Variants in STIM1 observed in about 807,000 individuals in gnomAD.
STIM1 encodes stromal interaction molecule 1.
A neutral mutation model predicts 74.7 loss-of-function variants in STIM1; 25 were observed. The observed-to-expected ratio is 0.33, with a 90% CI of 0.24 to 0.47. STIM1 has a LOEUF of 0.47. STIM1 is among the 20% of genes least tolerant of loss of function. The pLI is 1.00. For missense variants in STIM1, 728 were observed against 920.8 expected (o/e 0.79, Z 2.71); for synonymous variants, 328 against 348.8 (o/e 0.94, Z 0.66).
intron 1 of STIM1, among the ~76,000 whole-genome samples, chr11:3,941,519 T>C (rs368489354): frequency 2.6e-5 from 4 of 151,714 alleles, no homozygotes; most frequent in South Asian, 2.1e-4. Flanking sequence ...TCAAATAACG[T>C]GAGTTCTGGT....
At chr11:4,022,614 T>G (rs928587769) in intron 2 of STIM1, among the ~76,000 whole-genome samples, 2 of 152,222 alleles carry the variant, frequency 1.3e-5, no homozygotes, top group African/African-American at 4.8e-5. Context: ...TTGTCATATA[T>G]GGCCTTTATT....
intron 1 of STIM1, among the ~76,000 whole-genome samples, chr11:3,912,095 A>ATTCCCTTCTCCT (rs1347788379): frequency 3.3e-5 from 5 of 150,772 alleles, no homozygotes; most frequent in African/African-American, 1.2e-4. Context: ...CTGTCCTTCC[A>ATTCCCTTCTCCT]TTCCCTTCTC....
chr11:3,876,372 G>C (rs2091307095), intron 1 of STIM1, among the ~76,000 whole-genome samples: 1 of 152,116 alleles, frequency 6.6e-6, no homozygotes, highest in Non-Finnish European at 1.5e-5. Context: ...GCAGCTGAGA[G>C]GAATTCCTGT....
intron 2 of STIM1, among the ~76,000 whole-genome samples, chr11:3,983,600 G>A (rs903230587): frequency 1.3e-5 from 2 of 152,136 alleles, no homozygotes; most frequent in African/African-American, 4.8e-5. Context: ...GACATTACAT[G>A]TGAGGAGTTG....
intron 3 of STIM1, among the ~76,000 whole-genome samples, chr11:4,041,101 GC>G (rs2094143699): frequency 6.6e-6 from 1 of 152,332 alleles, no homozygotes; most frequent in African/African-American, 2.4e-5. Context: ...TTTGATAGCT[GC>G]CTTGGAGTGC....
chr11:3,985,996 A>T (rs1038279796), intron 2 of STIM1, among the ~76,000 whole-genome samples: 3 of 152,040 alleles, frequency 2.0e-5, no homozygotes, highest in African/African-American at 7.2e-5. Context: ...CTCCTTTGAA[A>T]TCTTTCTTAC....
chr11:3,881,397 GTC>G (rs1320799359), intron 1 of STIM1, among the ~76,000 whole-genome samples: 2 of 152,026 alleles, frequency 1.3e-5, no homozygotes, highest in East Asian at 3.9e-4. Flanking sequence ...TCAAGATGGA[GTC>G]TCTCTCTGTT....
intron 1 of STIM1, among the ~76,000 whole-genome samples, chr11:3,874,439 A>G (rs997427911): frequency 6.6e-6 from 1 of 152,204 alleles, no homozygotes; most frequent in Non-Finnish European, 1.5e-5. Flanking sequence ...CCCATTTTGC[A>G]GGTGAAGAAA....
intron 1 of STIM1, among the ~76,000 whole-genome samples, chr11:3,858,855 T>C (rs1364072299): frequency 6.6e-6 from 1 of 152,338 alleles, no homozygotes; most frequent in Non-Finnish European, 1.5e-5. Context: ...CAAGTGGTAT[T>C]GTCCCCATTT....
rs7103860 is a variant in STIM1 at position 4,088,918 on chromosome 11, C to T, written c.1635-2364C>T. On this transcript the variant is annotated intron_variant, in intron 12 of 12. Transcript: ENST00000526596. Reference sequence around the variant, plus strand: ...TTGCTTTGGCAGTCCCAACTTTTAGCTGATGAGAGAGGCATAGAAGGACAG... The same window carrying T: ...TTGCTTTGGCAGTCCCAACTTTTAGTTGATGAGAGAGGCATAGAAGGACAG... The T allele has an allele frequency of 0.82, 502,598 of 609,844 alleles. 213,529 individuals are homozygous for T. Among genetic ancestry groups the T allele is most frequent in the South Asian group, 0.91 (51,260 of 56,308 alleles). The allele number at this position is 609,844 out of a possible 1,614,324, so 37.8% of individuals were successfully genotyped here. A position where few individuals can be genotyped will look rare whatever the true frequency, so the allele number is the denominator to read the frequency against.
intron 2 of STIM1, among the ~76,000 whole-genome samples, chr11:3,980,683 A>AACAACAACAACAAC (rs1217971514): frequency 7.9e-4 from 112 of 142,408 alleles, no homozygotes; most frequent in African/African-American, 2.7e-3. Flanking sequence ...ACAACAACAA[A>AACAACAACAACAAC]AAAAAACAAA....
chr11:4,048,755 A>G (rs898103687), intron 3 of STIM1, among the ~76,000 whole-genome samples: 2 of 151,724 alleles, frequency 1.3e-5, no homozygotes, highest in Admixed American at 1.3e-4. Flanking sequence ...TTTTTTTGAG[A>G]CAGAGTCTCG....
At position 3,945,166 on chromosome 11, in the gene STIM1, A is replaced by G. The variant is rs376882000; in HGVS notation, c.140-22386A>G. 1.7e-4 allele frequency among the ~76,000 whole-genome samples: 26 copies of G among 152,320 alleles called. No individual in the cohort carries two copies. In the South Asian group the frequency reaches 3.5e-3, roughly 21 times the overall value. On this transcript the variant is annotated intron_variant, in intron 1 of 12. Coordinates refer to ENST00000526596, the MANE Select transcript of STIM1 (RefSeq NM_001382567.1). The stretch of plus-strand genomic sequence containing the variant: ...TTATCTCTCTGTGCCTTAGTTTCCT[A>G]TCTATAAAATGAAGAGAATAATGGC...
intron 4 of STIM1, among the ~76,000 whole-genome samples, chr11:4,056,449 G>T (rs1033295213): frequency 1.3e-5 from 2 of 152,250 alleles, no homozygotes; most frequent in Non-Finnish European, 2.9e-5. Context: ...CCAAGCACTT[G>T]TGCTGGGTGC....
chr11:4,091,375 C>T lies in STIM1; in HGVS notation c.1728C>T (p.Asp576=), dbSNP rs542778043. 26 of 1,614,196 alleles carry T rather than the reference C, an allele frequency of 1.6e-5. No homozygotes were observed. Among genetic ancestry groups the T allele is most frequent in the South Asian group, 1.2e-4 (11 of 91,084 alleles). The part of the protein sequence containing the change: ...PKPPQMSRAA[D]EALNAMTSNG... Reference sequence around the variant, plus strand: ...CTCCTCAGATGAGCCGTGCTGCAGACGAGGCTCTCAATGCCATGACTTCCA... The same window carrying T: ...CTCCTCAGATGAGCCGTGCTGCAGATGAGGCTCTCAATGCCATGACTTCCA... The change falls in exon 13 of 13, where the codon GAC becomes GAT. Residue 576 remains aspartate, a synonymous_variant. Coordinates refer to ENST00000526596, the MANE Select transcript of STIM1 (RefSeq NM_001382567.1).
intron 1 of STIM1, among the ~76,000 whole-genome samples, chr11:3,910,949 G>A (rs1441440204): frequency 6.6e-6 from 1 of 152,096 alleles, no homozygotes; most frequent in African/African-American, 2.4e-5. Context: ...TCGCACCACC[G>A]CACTCCAGCC....
At chr11:3,999,199 A>G (rs568954473) in intron 2 of STIM1, among the ~76,000 whole-genome samples, 5 of 152,318 alleles carry the variant, frequency 3.3e-5, no homozygotes, top group Non-Finnish European at 7.3e-5. Flanking sequence ...TGAAGAAAAA[A>G]TTAGCCCCTG....
intron 3 of STIM1, among the ~76,000 whole-genome samples, chr11:4,038,861 C>A (rs1401947734): frequency 6.6e-6 from 1 of 152,110 alleles, no homozygotes; most frequent in Non-Finnish European, 1.5e-5. Context: ...TTCTCTCATA[C>A]ATGAAACAAA....
chr11:3,923,541 G>A (rs866038382), intron 1 of STIM1, among the ~76,000 whole-genome samples: 39 of 151,104 alleles, frequency 2.6e-4, no homozygotes, highest in African/African-American at 9.1e-4. Context: ...GCTGGGAGGC[G>A]GAGGTTGCAG....
Sources: gnomAD v4.1 joint callset for allele counts (sites outside exome capture counted in the v4.1 genomes callset) on GRCh38, gnomAD v4.1.1 for gene constraint, MANE v1.5 for transcripts, NCBI Gene and HGNC (gene_info 2026-07-23, HGNC 2026-07-21) for gene names.